Variants in TCERG1L observed in about 807,000 individuals in gnomAD.
TCERG1L encodes the protein transcription elongation regulator 1 like.
TCERG1L carries 37 observed loss-of-function variants against 56.3 expected under a neutral mutation model. That is an observed-to-expected ratio of 0.66 (90% CI 0.51 to 0.87). The LOEUF (loss-of-function observed/expected upper bound fraction) is 0.87. Ranked by LOEUF, TCERG1L falls within the 40% of genes least tolerant of loss-of-function variation. TCERG1L has a pLI of 0.00. For synonymous variants in TCERG1L, 324 were observed against 326.3 expected (o/e 0.99, Z 0.08); for missense variants, 799 against 774.2 (o/e 1.03, Z -0.38).
At chr10:131,208,487 C>A (rs1845573037) in intron 4 of TCERG1L, among the ~76,000 whole-genome samples, 1 of 152,224 alleles carries the variant, frequency 6.6e-6, no homozygotes, top group Non-Finnish European at 1.5e-5. Context: ...TCCACGTCCT[C>A]AGCATCCCCT....
At chr10:131,226,701 T>C (rs1427683476) in intron 4 of TCERG1L, among the ~76,000 whole-genome samples, 2 of 152,216 alleles carry the variant, frequency 1.3e-5, no homozygotes, top group Admixed American at 6.5e-5. Flanking sequence ...ATTAGCCACA[T>C]AGTAAATACA....
chr10:131,127,734 TC>T (rs1179840890), intron 8 of TCERG1L, among the ~76,000 whole-genome samples: 2 of 151,164 alleles, frequency 1.3e-5, no homozygotes, highest in African/African-American at 4.9e-5. Context: ...TGGAGACAGG[TC>T]CCCCAAAGAC....
At chr10:131,105,690 T>G (rs1400957068) in intron 9 of TCERG1L, among the ~76,000 whole-genome samples, 1 of 151,986 alleles carries the variant, frequency 6.6e-6, no homozygotes, top group Non-Finnish European at 1.5e-5. Context: ...ACTCCAGTCA[T>G]GAGTGACTGG....
chr10:131,213,561 C>G (rs1443038764), intron 4 of TCERG1L, among the ~76,000 whole-genome samples: 2 of 152,242 alleles, frequency 1.3e-5, no homozygotes, highest in Non-Finnish European at 2.9e-5. Flanking sequence ...TCTGGCCCGG[C>G]TGCGCCTCAG....
chr10:131,163,249 T>G, intron 5 of TCERG1L, 39 bp from the exon 6 acceptor site: 2 of 1,425,204 alleles, frequency 1.4e-6, no homozygotes, highest in Non-Finnish European at 1.9e-6. Context: ...CTTTTAATTT[T>G]AAACACTCAT....
chr10:131,109,407 C>T (rs28602269), intron 9 of TCERG1L, among the ~76,000 whole-genome samples: 1 of 151,992 alleles, frequency 6.6e-6, no homozygotes. Context: ...TGTCTGTGAC[C>T]GTGGCTGGGT....
At chr10:131,158,522 T>C (rs1845945965) in intron 6 of TCERG1L, among the ~76,000 whole-genome samples, 1 of 152,216 alleles carries the variant, frequency 6.6e-6, no homozygotes, top group African/African-American at 2.4e-5. Context: ...ACTCCTTACA[T>C]CCTTATCATC....
chr10:131,279,986 T>G (rs183768380), intron 3 of TCERG1L, among the ~76,000 whole-genome samples: 1 of 152,310 alleles, frequency 6.6e-6, no homozygotes, highest in Non-Finnish European at 1.5e-5. Context: ...CACCCTTTCG[T>G]GAGCCCCGAA....
intron 4 of TCERG1L, among the ~76,000 whole-genome samples, chr10:131,244,563 T>C (rs1846011750): frequency 6.6e-6 from 1 of 152,018 alleles, no homozygotes; most frequent in Admixed American, 6.5e-5. Context: ...TTAGAGTTTG[T>C]CTCCAGAGTA....
chr10:131,112,951 T>G (rs1845425371), intron 9 of TCERG1L, among the ~76,000 whole-genome samples: 1 of 141,174 alleles, frequency 7.1e-6, no homozygotes, highest in Non-Finnish European at 1.6e-5. Context: ...GAGGTGGGAG[T>G]GGCCAGCACA....
intron 4 of TCERG1L, among the ~76,000 whole-genome samples, chr10:131,241,858 G>C (rs1438521252): frequency 6.6e-6 from 1 of 151,732 alleles, no homozygotes; most frequent in Non-Finnish European, 1.5e-5. Flanking sequence ...GAACATCCGA[G>C]ATAAAACGGT....
chr10:131,135,382 G>A (rs889505915), intron 7 of TCERG1L, among the ~76,000 whole-genome samples: 8 of 152,252 alleles, frequency 5.3e-5, no homozygotes, highest in Admixed American at 3.3e-4. Flanking sequence ...TGAAAACAGC[G>A]CTCAGCTCAG....
chr10:131,211,164 C>T (rs936633548), intron 4 of TCERG1L, among the ~76,000 whole-genome samples: 1 of 152,184 alleles, frequency 6.6e-6, no homozygotes, highest in Non-Finnish European at 1.5e-5. Flanking sequence ...CGGTCAGGGC[C>T]GTATGGCTCG....
In TCERG1L at chr10:131,111,927, A is replaced by T. The variant is rs147719025; in HGVS notation, c.1395+4872T>A. On this transcript the variant is annotated intron_variant, in intron 9 of 11. Transcript: ENST00000368642. ...TCTCCAGGTCCCTTGGTCCCTAGTC[A>T]TGGGCCCTGCCCCCCAGCCTCTCTT... 1.4e-5 allele frequency among the ~76,000 whole-genome samples: 2 copies of T among 143,228 alleles called. 1 individual carries two copies. Among genetic ancestry groups the T allele is most frequent in the Non-Finnish European group, 3.2e-5 (2 of 63,436 alleles). The allele number at this position is 143,228 out of a possible 152,430, so 94.0% of individuals were successfully genotyped here. A position where few individuals can be genotyped will look rare whatever the true frequency, so the allele number is the denominator to read the frequency against.
At chr10:131,148,355 G>T (rs1432689225) in intron 6 of TCERG1L, among the ~76,000 whole-genome samples, 1 of 82,996 alleles carries the variant, frequency 1.2e-5, no homozygotes, top group Non-Finnish European at 2.9e-5. Context: ...GACACACAGA[G>T]ACACACATGC....
intron 4 of TCERG1L, among the ~76,000 whole-genome samples, chr10:131,242,433 T>C (rs1476162536): frequency 2.0e-5 from 3 of 152,120 alleles, no homozygotes; most frequent in Non-Finnish European, 4.4e-5. Context: ...ATCTAATCTT[T>C]GGGCAAACGA....
intron 6 of TCERG1L, among the ~76,000 whole-genome samples, chr10:131,148,583 C>T (rs57920981): frequency 1.3e-5 from 2 of 151,742 alleles, no homozygotes; most frequent in African/African-American, 2.4e-5. Context: ...CAAATACAGA[C>T]ACACAGACAC....
chr10:131,100,391 C>G (rs1219261171), intron 10 of TCERG1L, among the ~76,000 whole-genome samples: 2 of 152,148 alleles, frequency 1.3e-5, no homozygotes. Context: ...CTGCCTAGAA[C>G]CATTTCTCCA....
At chr10:131,221,012 C>A (rs1322199393) in intron 4 of TCERG1L, among the ~76,000 whole-genome samples, 6 of 152,220 alleles carry the variant, frequency 3.9e-5, no homozygotes, top group African/African-American at 1.4e-4. Flanking sequence ...AGTGTAGCCA[C>A]TGAGGCCCCC....
Sources: allele counts gnomAD v4.1 joint callset (sites outside exome capture counted in the v4.1 genomes callset), GRCh38; gene constraint gnomAD v4.1.1; transcripts MANE v1.5; gene names NCBI Gene and HGNC (gene_info 2026-07-23, HGNC 2026-07-21).